The following FADS1 variants were observed in gnomAD, a reference collection of about 807,000 sequenced individuals.
FADS1 encodes fatty acid desaturase 1.
A neutral mutation model predicts 61.6 loss-of-function variants in FADS1; 17 were observed. The observed-to-expected ratio is 0.28, with a 90% CI of 0.19 to 0.41. The LOEUF (loss-of-function observed/expected upper bound fraction) is 0.41, where lower values mean the gene tolerates loss of function less well. Ranked by LOEUF, FADS1 falls within the 10% of genes least tolerant of loss-of-function variation. The pLI is 1.00. For missense variants in FADS1, 387 were observed against 650.9 expected, an observed-to-expected ratio of 0.59 and a Z score of 4.41; for synonymous variants, 238 against 258.7, an observed-to-expected ratio of 0.92 and a Z score of 0.77.
At chr11:61,811,867 C>T (rs935917413) in intron 3 of FADS1, 6 of 445,358 alleles carry the variant, frequency 1.3e-5, no homozygotes, top group South Asian at 3.2e-5. Context: ...GTATTACAGG[C>T]GTGAGCCACT....
At chr11:61,812,329 C>T (rs1001627411) in intron 3 of FADS1, 142 bp downstream of exon 3, 11 of 677,560 alleles carry the variant, frequency 1.6e-5, no homozygotes, top group Non-Finnish European at 2.6e-5. Context: ...CAGCAGAATG[C>T]ATGTTCCTGC....
intron 5 of FADS1, among the ~76,000 whole-genome samples, chr11:61,809,969 C>T (rs901354198): frequency 5.9e-5 from 9 of 152,112 alleles, no homozygotes; most frequent in African/African-American, 2.2e-4. Context: ...TGTGTTTTAA[C>T]GACAATTTAA....
rs2066985441 is a variant in FADS1 at position 61,816,514 on chromosome 11, C to T, written c.375+41G>A. On this transcript the variant is annotated intron_variant, in intron 1 of 11. Transcript: ENST00000350997. This position sits in a 1 kb window ranked among gnomAD's most constrained non-coding sequence, Gnocchi z 7.0. ...CTCTGTCTCCCCTGCACTCAGCCTC[C>T]GGTCCCGCCCTCTCCTGTGCCCCCG... The T allele has an allele frequency of 6.3e-7, 1 of 1,596,992 alleles. No homozygotes were observed. Among genetic ancestry groups the T allele is most frequent in the East Asian group, 2.3e-5 (1 of 44,236 alleles).
rs1156807714 is a variant in FADS1, at chr11:61,802,379, C to T, written c.*32G>A. ...CTGCCTTGGCTCCAGAGTCTTCCTCCTCTTCTTCCAGACTGGGCAGGGTGG... is the reference window on the plus strand; with the variant it reads ...CTGCCTTGGCTCCAGAGTCTTCCTCTTCTTCTTCCAGACTGGGCAGGGTGG... On this transcript the variant is annotated 3_prime_UTR_variant, in exon 12 of 12. Transcript: ENST00000350997. This position sits in a 1 kb window ranked among gnomAD's most constrained non-coding sequence, Gnocchi z 4.2. The T allele has an allele frequency of 1.9e-6, 3 of 1,552,568 alleles. No individual in the cohort carries two copies. The Admixed American group carries it at 5.8e-5, about 30-fold the overall frequency.
At chr11:61,813,093 C>A in intron 2 of FADS1, 150 bp downstream of exon 2, 1 of 700,112 alleles carries the variant, frequency 1.4e-6, no homozygotes, top group Non-Finnish European at 2.5e-6. Flanking sequence ...GACCTCATGA[C>A]TATGCAAGAG....
In FADS1 at chr11:61,816,011, C is replaced by A. The variant is rs2066978066; in HGVS notation, c.375+544G>T. 2 of 526,840 alleles carry A rather than the reference C, an allele frequency of 3.8e-6. No individual in the cohort carries two copies. The highest frequency in any genetic ancestry group is 3.8e-5 in the African/African-American group (2 of 52,406). The allele number at this position is 526,840 out of a possible 1,614,324, so 32.6% of individuals were successfully genotyped here. ...CACGACGCAGGGGTCCCCAAGGCAG[C>A]GGTCTCCCCAAGCTTCCCGTTTCAG... On this transcript the variant is annotated intron_variant, in intron 1 of 11. Coordinates refer to ENST00000350997, the MANE Select transcript of FADS1 (RefSeq NM_013402.7). This position sits in a 1 kb window ranked among gnomAD's most constrained non-coding sequence, Gnocchi z 7.0.
intron 6 of FADS1, chr11:61,805,181 G>T (rs925665850): frequency 4.3e-6 from 1 of 233,122 alleles, no homozygotes; most frequent in Non-Finnish European, 8.2e-6. Flanking sequence ...CCACAGCCCT[G>T]TCCCTACAGT....
intron 1 of FADS1, among the ~76,000 whole-genome samples, chr11:61,813,990 C>T (rs1433256526): frequency 3.4e-5 from 5 of 146,094 alleles, no homozygotes; most frequent in Admixed American, 2.0e-4. Flanking sequence ...AAAAAAAAGG[C>T]TGCTCCCCCT....
chr11:61,806,562 C>T (rs1565319045), intron 6 of FADS1, 102 bp downstream of exon 6: 1 of 1,074,290 alleles, frequency 9.3e-7, no homozygotes, highest in Middle Eastern at 2.2e-4. Flanking sequence ...TCCTCTAGCC[C>T]CTTTCCTTAA....
chr11:61,816,174 C>T lies in FADS1; in HGVS notation c.375+381G>A, dbSNP rs1437202589. On this transcript the variant is annotated intron_variant, in intron 1 of 11. Transcript: ENST00000350997. The surrounding 1 kb of genome is among the most constrained non-coding windows in gnomAD (Gnocchi z 7.0). The stretch of plus-strand genomic sequence containing the variant: ...AGGATGTGACTCCCTCCCCTGGCCA[C>T]TGACCCCCTCCCTCCCCAGGCGGCC... 3.7e-5 allele frequency: 49 copies of T among 1,315,830 alleles called. No homozygotes were observed. Among genetic ancestry groups the T allele is most frequent in the Non-Finnish European group, 5.1e-5 (49 of 959,334 alleles). The allele number at this position is 1,315,830 out of a possible 1,614,324, so 81.5% of individuals were successfully genotyped here.
Position 61,816,606 on chromosome 11 carries a change from C to A in FADS1, c.324G>T (p.Arg108=), listed in dbSNP as rs1270579336. The A allele has an allele frequency of 4.4e-6, 7 of 1,605,326 alleles. No homozygotes were observed. ...KVYNISEFTR[R]HPGGSRVISH... is the part of the protein sequence containing the mutation. ...TGATGACCCGGGAGCCCCCTGGATG[C>A]CGGCGGGTGAACTCGCTGATGTTGT... Residue 108 remains arginine, a synonymous_variant, in exon 1 of 12, where the codon CGG becomes CGT. Transcript: ENST00000350997. The surrounding 1 kb of genome is among the most constrained non-coding windows in gnomAD (Gnocchi z 7.0).
In FADS1 at chr11:61,803,660, C is replaced by T. The variant is rs767093975; in HGVS notation, c.1151+10G>A. 8.7e-6 allele frequency: 14 copies of T among 1,605,700 alleles called. No individual in the cohort carries two copies. In the East Asian group the frequency reaches 8.9e-5, roughly 10 times the overall value. On this transcript the variant is annotated intron_variant, in intron 8 of 11. Coordinates refer to ENST00000350997, the MANE Select transcript of FADS1 (RefSeq NM_013402.7). The surrounding 1 kb of genome is among the most constrained non-coding windows in gnomAD (Gnocchi z 4.3). Reference sequence around the variant, plus strand: ...TTCACCAGTCCCTATCCGCCCCCACCGAATACTACCTGACTATGAAGAAAA... The same window carrying T: ...TTCACCAGTCCCTATCCGCCCCCACTGAATACTACCTGACTATGAAGAAAA...
At chr11:61,810,528 T>C (rs1322594531) in intron 5 of FADS1, among the ~76,000 whole-genome samples, 1 of 152,150 alleles carries the variant, frequency 6.6e-6, no homozygotes, top group Non-Finnish European at 1.5e-5. Flanking sequence ...TTTTATGCAG[T>C]AACGGTTTGC....
At chr11:61,813,577 A>G in intron 1 of FADS1, 1 of 550,410 alleles carries the variant, frequency 1.8e-6, no homozygotes, top group South Asian at 2.5e-5. Flanking sequence ...AGCTAGAGGT[A>G]AAATGGACCA....
chr11:61,806,457 G>T, intron 6 of FADS1: 1 of 581,418 alleles, frequency 1.7e-6, no homozygotes, highest in Non-Finnish European at 3.1e-6. Flanking sequence ...GAACTAGTTT[G>T]CCTTCAACCA....
rs748090471 is a variant in FADS1, at chr11:61,816,803, G to A, written c.127C>T (p.Leu43=). 6.7e-7 allele frequency: 1 copy of A among 1,499,786 alleles called. No individual in the cohort carries two copies. The allele number at this position is 1,499,786 out of a possible 1,614,324, so 92.9% of individuals were successfully genotyped here. The change falls in exon 1 of 12, where the codon CTG becomes TTG. Residue 43 remains leucine (L), a synonymous_variant. Transcript: ENST00000350997. The surrounding 1 kb of genome is among the most constrained non-coding windows in gnomAD (Gnocchi z 7.0). ...CGCGCCGGGCCAGCAGGGGCTGTCA[G>A]GCGCGTGCTCGGGGTCCGCGGGCTC... ...SWSPRTPSTR[L]TAPAGPARGV... is the part of the protein sequence containing the mutation.
intron 3 of FADS1, chr11:61,811,870 G>A (rs2066933260): frequency 2.2e-6 from 1 of 445,064 alleles, no homozygotes; most frequent in South Asian, 1.6e-5. Flanking sequence ...TTACAGGCGT[G>A]AGCCACTGTG....
At chr11:61,804,885 C>T (rs865967833) in intron 6 of FADS1, 124 bp from the exon 7 acceptor site, 41 of 786,342 alleles carry the variant, frequency 5.2e-5, no homozygotes, top group Middle Eastern at 7.2e-4. Context: ...TTCTGTCTCC[C>T]CTCCAGGTGC....
intron 6 of FADS1, chr11:61,806,290 C>T (rs909092501): frequency 1.7e-5 from 3 of 173,336 alleles, no homozygotes; most frequent in East Asian, 1.4e-4. Flanking sequence ...TGCAGTGAGC[C>T]GAGATTGCGC....
Sources: gnomAD v4.1 joint callset for allele counts (sites outside exome capture counted in the v4.1 genomes callset) on GRCh38, gnomAD v4.1.1 for gene constraint, Gnocchi (gnomAD v3.1) non-coding constraint, MANE v1.5 for transcripts, NCBI Gene and HGNC (gene_info 2026-07-23, HGNC 2026-07-21) for gene names.